Variants in BMPR2 observed in about 807,000 individuals in gnomAD.
BMPR2 encodes bone morphogenetic protein receptor type 2.
A neutral mutation model predicts 100.8 loss-of-function variants in BMPR2; 29 were observed. The ratio of observed to expected loss-of-function variants is 0.29; its 90% CI spans 0.21 to 0.39. The LOEUF is 0.39. Among genes scored for constraint, BMPR2 ranks in the 10% least tolerant of loss-of-function variants. The probability of loss-of-function intolerance (pLI) is 1.00; values close to 1 mark genes in which losing one functional copy is unlikely to be tolerated. For missense variants in BMPR2, 1,011 were observed against 1,274.5 expected, an observed-to-expected ratio of 0.79 and a Z score of 3.15; for synonymous variants, 382 against 442.3, an observed-to-expected ratio of 0.86 and a Z score of 1.71.
chr2:202,560,215 T>C lies in BMPR2; in HGVS notation c.*269T>C. 1 of 428,522 alleles carries C rather than the reference T, an allele frequency of 2.3e-6. No individual in the cohort carries two copies. Among genetic ancestry groups the C allele is most frequent in the South Asian group, 2.7e-5 (1 of 36,482 alleles). 26.5% of individuals were successfully genotyped at this position (428,522 alleles called of 1,614,324 possible). The stretch of plus-strand genomic sequence containing the variant: ...TTATGACCACAGAGTTATATGTGTG[T>C]GTATCAAAAGTGGTCTCAAAATATT... On this transcript the variant is annotated 3_prime_UTR_variant, in exon 13 of 13. Coordinates refer to ENST00000374580, the MANE Select transcript of BMPR2 (RefSeq NM_001204.7).
intron 1 of BMPR2, among the ~76,000 whole-genome samples, chr2:202,459,153 A>G (rs1247636699): frequency 6.6e-6 from 1 of 152,164 alleles, no homozygotes; most frequent in Non-Finnish European, 1.5e-5. Flanking sequence ...TTTGTCAGCT[A>G]CCATTTGGCA....
At chr2:202,554,028 A>T (rs1307952044) in intron 11 of BMPR2, among the ~76,000 whole-genome samples, 1 of 152,176 alleles carries the variant, frequency 6.6e-6, no homozygotes, top group African/African-American at 2.4e-5. Flanking sequence ...AGCTATTTGT[A>T]TTAGCCATAG....
chr2:202,425,140 T>C (rs6435152), intron 1 of BMPR2, among the ~76,000 whole-genome samples: 148,987 of 152,084 alleles, frequency 0.98, 73,044 homozygotes, highest in East Asian at 1. Flanking sequence ...TCTCGAACTC[T>C]TGACCTCAGG....
intron 1 of BMPR2, among the ~76,000 whole-genome samples, chr2:202,385,908 C>T (rs1477501416): frequency 6.6e-6 from 1 of 152,048 alleles, no homozygotes; most frequent in Non-Finnish European, 1.5e-5. Context: ...TACTTCTGTG[C>T]GTATGTCCTG....
At chr2:202,522,517 AAAAG>A (rs1247326567) in intron 7 of BMPR2, among the ~76,000 whole-genome samples, 1 of 150,058 alleles carries the variant, frequency 6.7e-6, no homozygotes, top group Non-Finnish European at 1.5e-5. Flanking sequence ...AAAAAAAAAA[AAAAG>A]AAATTCTTGT....
Position 202,555,941 on chromosome 2 carries a change from C to T in BMPR2, c.2276C>T (p.Pro759Leu), listed in dbSNP as rs1688561976. 4 of 1,614,138 alleles carry T rather than the reference C, an allele frequency of 2.5e-6. No individual in the cohort carries two copies. The highest frequency in any genetic ancestry group is 3.4e-6 in the Non-Finnish European group (4 of 1,180,028). ...QNLPKRPTSL[P>L]LNTKNSTKEP... is the part of the protein sequence containing the mutation. ...CTTCCCAAGAGACCTACTAGTTTGC[C>T]TTTGAACACCAAAAATTCAACAAAA... The change falls in exon 12 of 13, where the codon CCT becomes CTT. Residue 759 changes from proline (P) to leucine (L), a missense_variant. This residue lies in a region of BMPR2 where 508 missense variants were observed against 552.0 expected (regional missense o/e 0.92). Coordinates refer to ENST00000374580, the MANE Select transcript of BMPR2 (RefSeq NM_001204.7).
intron 1 of BMPR2, among the ~76,000 whole-genome samples, chr2:202,458,308 A>C (rs886643925): frequency 2.9e-5 from 4 of 136,594 alleles, no homozygotes; most frequent in South Asian, 2.3e-4. Flanking sequence ...AAAAAAAAAA[A>C]CGCACACAAA....
At chr2:202,448,154 TGA>T (rs1266525256) in intron 1 of BMPR2, among the ~76,000 whole-genome samples, 1 of 143,878 alleles carries the variant, frequency 7.0e-6, no homozygotes, top group Non-Finnish European at 1.5e-5. Context: ...CTTTTTTTTT[TGA>T]GACAGAGTGT....
intron 1 of BMPR2, among the ~76,000 whole-genome samples, chr2:202,386,038 T>C (rs1574420432): frequency 6.6e-6 from 1 of 152,272 alleles, no homozygotes; most frequent in East Asian, 1.9e-4. Flanking sequence ...TACTATTCTC[T>C]CTTGATTTTT....
chr2:202,521,327 G>A (rs1414342387), intron 7 of BMPR2, among the ~76,000 whole-genome samples: 1 of 152,192 alleles, frequency 6.6e-6, no homozygotes, highest in Non-Finnish European at 1.5e-5. Context: ...GACACTTTGG[G>A]AGACCAAGGC....
intron 9 of BMPR2, among the ~76,000 whole-genome samples, chr2:202,537,381 C>T (rs778489803): frequency 6.6e-6 from 1 of 152,184 alleles, no homozygotes; most frequent in Admixed American, 6.5e-5. Flanking sequence ...CGCTTTTGAT[C>T]TGATAAATAA....
intron 3 of BMPR2, among the ~76,000 whole-genome samples, chr2:202,509,372 A>G (rs993422010): frequency 2.0e-4 from 31 of 152,124 alleles, no homozygotes; most frequent in East Asian, 9.6e-4. Context: ...TACTATTTAT[A>G]TTAGTATTAT....
chr2:202,452,037 A>C (rs1336169508), intron 1 of BMPR2, among the ~76,000 whole-genome samples: 1 of 152,070 alleles, frequency 6.6e-6, no homozygotes, highest in African/African-American at 2.4e-5. Flanking sequence ...TACAGTCGTG[A>C]GCCACTGCGC....
At chr2:202,500,101 G>A (rs975735968) in intron 3 of BMPR2, among the ~76,000 whole-genome samples, 4 of 152,174 alleles carry the variant, frequency 2.6e-5, no homozygotes, top group African/African-American at 7.2e-5. Flanking sequence ...GAGGGTGCCC[G>A]GGGCAAGTGC....
chr2:202,413,553 A>T (rs1691057482), intron 1 of BMPR2, among the ~76,000 whole-genome samples: 1 of 152,178 alleles, frequency 6.6e-6, no homozygotes, highest in African/African-American at 2.4e-5. Context: ...TCACTAATTC[A>T]GTGTTTGCAA....
At chr2:202,476,537 C>T (rs563184361) in intron 3 of BMPR2, among the ~76,000 whole-genome samples, 3 of 152,186 alleles carry the variant, frequency 2.0e-5, no homozygotes, top group Non-Finnish European at 4.4e-5. Context: ...GCCTGTAATC[C>T]TAGCACTTGG....
In BMPR2 at chr2:202,434,908, A is replaced by T. The variant is rs1034073707; in HGVS notation, c.77-29901A>T. 8.9e-3 allele frequency among the ~76,000 whole-genome samples: 340 copies of T among 38,154 alleles called. 2 individuals carry two copies. Among genetic ancestry groups the T allele is most frequent in the East Asian group, 0.011 (15 of 1,426 alleles). 25.0% of individuals were successfully genotyped at this position (38,154 alleles called of 152,430 possible). A position where few individuals can be genotyped will look rare whatever the true frequency, so the allele number is the denominator to read the frequency against. On this transcript the variant is annotated intron_variant, in intron 1 of 12. Transcript: ENST00000374580. Reference sequence around the variant, plus strand: ...AAAAAAAAAAAAAAAAAAAAAAAAAAATATATATATATATATATATATATA... The same window carrying T: ...AAAAAAAAAAAAAAAAAAAAAAAAATATATATATATATATATATATATATA...
intron 1 of BMPR2, among the ~76,000 whole-genome samples, chr2:202,434,248 A>G (rs1363307758): frequency 3.3e-5 from 5 of 150,558 alleles, no homozygotes; most frequent in Non-Finnish European, 7.3e-5. Flanking sequence ...AACAGATGAA[A>G]CATGTCTTTA....
At position 202,552,858 on chromosome 2, in the gene BMPR2, A is replaced by G; in HGVS notation, c.1556A>G (p.Asn519Ser). The G allele has an allele frequency of 6.2e-7, 1 of 1,614,232 alleles. No individual in the cohort carries two copies. The highest frequency in any genetic ancestry group is 8.5e-7 in the Non-Finnish European group (1 of 1,180,034). ...AACAAATCTGTGAGCCCAACAGTCA[A>G]TCCAATGTCTACTGCTATGCAGAAT... The part of the protein sequence containing the change: ...ERNKSVSPTV[N>S]PMSTAMQNER... The change falls in exon 11 of 13, where the codon AAT becomes AGT. Residue 519 changes from asparagine to serine, a missense_variant. Around this residue, in one of 6 missense-constraint regions of BMPR2, gnomAD observed 508 missense variants for 552.0 expected, o/e 0.92. Coordinates refer to ENST00000374580, the MANE Select transcript of BMPR2 (RefSeq NM_001204.7).
Sources: gnomAD v4.1 joint callset for allele counts (sites outside exome capture counted in the v4.1 genomes callset) on GRCh38, gnomAD v4.1.1 for gene constraint, gnomAD v4.1.1 regional missense constraint, MANE v1.5 for transcripts, NCBI Gene and HGNC (gene_info 2026-07-23, HGNC 2026-07-21) for gene names.